GPD1L: variants seen among roughly 807,000 people sequenced by gnomAD.
GPD1L encodes glycerol-3-phosphate dehydrogenase 1-like protein.
In GPD1L, 17 loss-of-function variants were observed where a neutral mutation model predicts 32.9. The observed-to-expected ratio is 0.52, with a 90% confidence interval of 0.35 to 0.78. The LOEUF (loss-of-function observed/expected upper bound fraction) is 0.78, where lower values mean the gene tolerates loss of function less well. Among genes scored for constraint, GPD1L ranks in the 30% least tolerant of loss-of-function variants. GPD1L has a pLI of 0.01. For synonymous variants in GPD1L, 187 were observed against 165.9 expected, an observed-to-expected ratio of 1.13 and a Z score of -0.98; for missense variants, 361 against 447.8, an observed-to-expected ratio of 0.81 and a Z score of 1.75.
rs1559577033 is a variant in GPD1L, at chr3:32,140,294, G to A, written c.433G>A (p.Asp145Asn). 1 of 1,613,860 alleles carries A rather than the reference G, an allele frequency of 6.2e-7. No individual in the cohort carries two copies. The highest frequency in any genetic ancestry group is 1.7e-5 in the Admixed American group (1 of 60,030). ...SDIIREKMGIDISVLMGANIA... is the reference protein window; with the variant it reads ...SDIIREKMGINISVLMGANIA... ...CATCATCCGTGAGAAGATGGGTATT[G>A]ACATCAGTGTGCTGATGGGAGCCAA... is the stretch of plus-strand genomic sequence containing the variant. Residue 145 changes from aspartate (D) to asparagine (N), a missense_variant, in exon 4 of 8, where the codon GAC (aspartate) becomes AAC (asparagine). Coordinates refer to ENST00000282541, the MANE Select transcript of GPD1L (RefSeq NM_015141.4).
At chr3:32,136,316 G>A (rs1348612172) in intron 2 of GPD1L, among the ~76,000 whole-genome samples, 5 of 152,186 alleles carry the variant, frequency 3.3e-5, no homozygotes, top group African/African-American at 1.2e-4. Flanking sequence ...GAAGAATAAG[G>A]AAGCATCTGT....
intron 1 of GPD1L, among the ~76,000 whole-genome samples, chr3:32,123,384 C>T (rs1441640078): frequency 6.6e-6 from 1 of 152,178 alleles, no homozygotes; most frequent in Non-Finnish European, 1.5e-5. Context: ...GGGAAATTAG[C>T]ACATGCTGGA....
At chr3:32,140,172 C>A in intron 3 of GPD1L, 56 bp from the exon 4 acceptor site, 1 of 1,595,898 alleles carries the variant, frequency 6.3e-7, no homozygotes. Flanking sequence ...ATCTACTATC[C>A]CATGCCTCTT....
intron 1 of GPD1L, among the ~76,000 whole-genome samples, chr3:32,122,300 C>G (rs1452587610): frequency 1.3e-5 from 2 of 152,172 alleles, no homozygotes; most frequent in African/African-American, 4.8e-5. Flanking sequence ...ACACTCAGAT[C>G]TGGGTTTGAA....
At chr3:32,116,810 A>T (rs1353757370) in intron 1 of GPD1L, among the ~76,000 whole-genome samples, 2 of 152,216 alleles carry the variant, frequency 1.3e-5, no homozygotes, top group African/African-American at 4.8e-5. Flanking sequence ...AGTAAGGACT[A>T]TCCCGGTTAA....
intron 2 of GPD1L, among the ~76,000 whole-genome samples, chr3:32,136,927 C>G (rs945462279): frequency 2.0e-5 from 3 of 152,294 alleles, no homozygotes; most frequent in Non-Finnish European, 4.4e-5. Context: ...CCACTTCTCC[C>G]TCTCACATCC....
At chr3:32,159,720 C>G in intron 7 of GPD1L, 46 bp downstream of exon 7, 1 of 1,161,972 alleles carries the variant, frequency 8.6e-7, no homozygotes. Flanking sequence ...GTCCATCATT[C>G]CTATTCTCAG....
intron 5 of GPD1L, among the ~76,000 whole-genome samples, chr3:32,153,087 C>G (rs568872510): frequency 6.6e-6 from 1 of 152,126 alleles, no homozygotes; most frequent in Non-Finnish European, 1.5e-5. Context: ...AGCAGCAGCC[C>G]GTGGTACAGG....
intron 7 of GPD1L, among the ~76,000 whole-genome samples, chr3:32,165,113 G>C (rs997612972): frequency 2.0e-5 from 3 of 152,210 alleles, no homozygotes; most frequent in Non-Finnish European, 4.4e-5. Flanking sequence ...GACTGAGGCA[G>C]CAGAATCGCT....
intron 1 of GPD1L, among the ~76,000 whole-genome samples, chr3:32,117,415 A>G (rs1299407870): frequency 1.3e-5 from 2 of 152,264 alleles, no homozygotes; most frequent in Non-Finnish European, 2.9e-5. Flanking sequence ...AAACATAAGC[A>G]GAAAAGAGAT....
At chr3:32,117,133 T>C (rs1700343363) in intron 1 of GPD1L, among the ~76,000 whole-genome samples, 1 of 152,252 alleles carries the variant, frequency 6.6e-6, no homozygotes. Context: ...GCCCTTTCCA[T>C]ATCTATACAT....
Position 32,159,643 on chromosome 3 carries a change from C to A in GPD1L, c.928C>A (p.Arg310Ser), listed in dbSNP as rs1216770303. Residue 310 changes from arginine to serine, a missense_variant, in exon 7 of 8, where the codon CGC becomes AGC. Coordinates refer to ENST00000282541, the MANE Select transcript of GPD1L (RefSeq NM_015141.4). ...ACCGCAGACTTCTGCTGAAGTGTAC[C>A]GCATCCTCAAACAGAAGGGACTACT... The part of the protein sequence containing the change: ...QGPQTSAEVY[R>S]ILKQKGLLDK... 6.2e-7 allele frequency: 1 copy of A among 1,611,322 alleles called. No homozygotes were observed. Among genetic ancestry groups the A allele is most frequent in the Non-Finnish European group, 8.5e-7 (1 of 1,177,832 alleles).
intron 1 of GPD1L, among the ~76,000 whole-genome samples, chr3:32,126,844 A>T (rs917365134): frequency 2.0e-5 from 3 of 152,322 alleles, no homozygotes; most frequent in Non-Finnish European, 4.4e-5. Context: ...CAGAAGTGCC[A>T]GTTCCGTTGG....
At chr3:32,110,969 G>A (rs1311999967) in intron 1 of GPD1L, among the ~76,000 whole-genome samples, 1 of 152,206 alleles carries the variant, frequency 6.6e-6, no homozygotes, top group Admixed American at 6.5e-5. Flanking sequence ...GGGTTCTAGC[G>A]ATTCTCATGC....
chr3:32,140,160 A>T lies in GPD1L; in HGVS notation c.367-68A>T, dbSNP rs72546653. 997 of 1,527,468 alleles carry T rather than the reference A, an allele frequency of 6.5e-4. 13 individuals carry two copies. In the East Asian group the frequency reaches 0.017, roughly 27 times the overall value. 94.6% of individuals were successfully genotyped at this position (1,527,468 alleles called of 1,614,324 possible). A position where few individuals can be genotyped will look rare whatever the true frequency, so the allele number is the denominator to read the frequency against. ...ATTTTTCAAGTTGTGTAGCCATGGG[A>T]CATCTACTATCCCATGCCTCTTTGA... On this transcript the variant is annotated intron_variant, in intron 3 of 7. Coordinates refer to ENST00000282541, the MANE Select transcript of GPD1L (RefSeq NM_015141.4).
intron 1 of GPD1L, among the ~76,000 whole-genome samples, chr3:32,122,046 G>A (rs1434206464): frequency 6.6e-6 from 1 of 152,138 alleles, no homozygotes; most frequent in African/African-American, 2.4e-5. Flanking sequence ...TGGGATTACA[G>A]GCGTGAGCCA....
chr3:32,151,426 C>A, intron 5 of GPD1L: 1 of 608,858 alleles, frequency 1.6e-6, no homozygotes, highest in East Asian at 2.9e-5. Flanking sequence ...TGACCATTCC[C>A]CTGATGTCTA....
chr3:32,117,382 C>T (rs987186466), intron 1 of GPD1L, among the ~76,000 whole-genome samples: 7 of 152,216 alleles, frequency 4.6e-5, no homozygotes, highest in Admixed American at 2.6e-4. Flanking sequence ...TGGACAGTAA[C>T]ATTCCAGCTG....
chr3:32,108,194 T>G (rs1700191379), intron 1 of GPD1L, among the ~76,000 whole-genome samples: 1 of 152,116 alleles, frequency 6.6e-6, no homozygotes. Context: ...GAGACTAGCC[T>G]GGGCAACACG....
Sources: allele counts gnomAD v4.1 joint callset (sites outside exome capture counted in the v4.1 genomes callset), GRCh38; gene constraint gnomAD v4.1.1; transcripts MANE v1.5; gene names NCBI Gene and HGNC (gene_info 2026-07-23, HGNC 2026-07-21).